The following PKNOX2 variants were observed in gnomAD, a reference collection of about 807,000 sequenced individuals.
PKNOX2 encodes PBX/knotted 1 homeobox 2, also known as homeobox protein PKNOX2.
PKNOX2 carries 14 observed loss-of-function variants against 53.1 expected under a neutral mutation model. The ratio of observed to expected loss-of-function variants is 0.26; its 90% CI spans 0.17 to 0.41. The LOEUF is 0.41. PKNOX2 is among the 10% of genes least tolerant of loss of function. The pLI is 1.00. For missense variants in PKNOX2, 496 were observed against 602.8 expected, an observed-to-expected ratio of 0.82 and a Z score of 1.85; for synonymous variants, 257 against 242.8, an observed-to-expected ratio of 1.06 and a Z score of -0.54.
chr11:125,385,854 A>G (rs1953595818), intron 6 of PKNOX2, 132 bp downstream of exon 6: 1 of 1,066,170 alleles, frequency 9.4e-7, no homozygotes, highest in Non-Finnish European at 1.3e-6. Context: ...GTCATGCACT[A>G]GATGCACCAG....
intron 2 of PKNOX2, among the ~76,000 whole-genome samples, chr11:125,315,210 G>A (rs1290707673): frequency 6.6e-6 from 1 of 150,498 alleles, no homozygotes; most frequent in Non-Finnish European, 1.5e-5. Flanking sequence ...AGGATAGATG[G>A]AGGCAGTGTG....
chr11:125,170,242 G>C (rs566189786), intron 1 of PKNOX2, among the ~76,000 whole-genome samples: 1 of 152,298 alleles, frequency 6.6e-6, no homozygotes, highest in South Asian at 2.1e-4. Flanking sequence ...TTCTGTTCCG[G>C]TGTCTGATTT....
intron 1 of PKNOX2, among the ~76,000 whole-genome samples, chr11:125,186,694 A>G (rs1478194789): frequency 1.3e-5 from 2 of 152,188 alleles, no homozygotes; most frequent in Non-Finnish European, 2.9e-5. Flanking sequence ...TTGTCCTTTG[A>G]TGCACAAAAG....
chr11:125,392,119 A>G (rs192130564), intron 6 of PKNOX2, among the ~76,000 whole-genome samples: 2 of 152,360 alleles, frequency 1.3e-5, no homozygotes, highest in African/African-American at 4.8e-5. Flanking sequence ...GATATCAGAC[A>G]TTATTAGAAG....
chr11:125,427,164 G>A (rs1476299847), intron 10 of PKNOX2, among the ~76,000 whole-genome samples: 1 of 152,208 alleles, frequency 6.6e-6, no homozygotes, highest in African/African-American at 2.4e-5. Context: ...ACCCCAGAAG[G>A]TGTCAGAGCT....
intron 2 of PKNOX2, among the ~76,000 whole-genome samples, chr11:125,308,264 T>A (rs1194328276): frequency 1.3e-5 from 2 of 152,198 alleles, no homozygotes; most frequent in African/African-American, 4.8e-5. Flanking sequence ...GGCTTATGTG[T>A]GGGCTGGGCC....
chr11:125,263,104 G>A (rs1317100053), intron 2 of PKNOX2, among the ~76,000 whole-genome samples: 1 of 152,210 alleles, frequency 6.6e-6, no homozygotes, highest in Non-Finnish European at 1.5e-5. Context: ...TCGGGTGCCA[G>A]CCCTAGCTCT....
chr11:125,319,934 C>T (rs565161915), intron 2 of PKNOX2, among the ~76,000 whole-genome samples: 1 of 152,288 alleles, frequency 6.6e-6, no homozygotes, highest in Non-Finnish European at 1.5e-5. Context: ...GACTGACCTT[C>T]TAGACCATGG....
chr11:125,276,019 G>A (rs1946127017), intron 2 of PKNOX2, among the ~76,000 whole-genome samples: 1 of 152,174 alleles, frequency 6.6e-6, no homozygotes, highest in African/African-American at 2.4e-5. Context: ...GGCTGAGAAG[G>A]AGTGCTTGCG....
At chr11:125,198,771 ACTCCCTCACCT>A (rs541925937) in intron 1 of PKNOX2, among the ~76,000 whole-genome samples, 1 of 140,182 alleles carries the variant, frequency 7.1e-6, no homozygotes, top group African/African-American at 2.7e-5. Context: ...TGCAGATTCT[ACTCCCTCACCT>A]CTCCCTCACC....
At position 125,402,961 on chromosome 11, in the gene PKNOX2, G is replaced by C. The variant is rs553010265; in HGVS notation, c.588+4899G>C. On this transcript the variant is annotated intron_variant, in intron 7 of 12. Transcript: ENST00000298282. ...GAGAAGTTACAGATTCATTGGCCTT[G>C]GGAGGGCTTCCTCTGGGAGGTGGCA... Among the ~76,000 whole-genome samples, 4 of 152,340 alleles carry C rather than the reference G, an allele frequency of 2.6e-5. No homozygotes were observed. The South Asian group carries it at 6.2e-4, about 24-fold the overall frequency.
At chr11:125,384,455 A>T (rs1332338403) in intron 5 of PKNOX2, among the ~76,000 whole-genome samples, 1 of 152,110 alleles carries the variant, frequency 6.6e-6, no homozygotes, top group Non-Finnish European at 1.5e-5. Context: ...GGAGGCTGAG[A>T]CGGGCGGATC....
Position 125,431,546 on chromosome 11 carries a change from A to G in PKNOX2, c.*154A>G. The G allele has an allele frequency of 1.2e-6, 1 of 861,700 alleles. No homozygotes were observed. The highest frequency in any genetic ancestry group is 1.8e-5 in the South Asian group (1 of 55,338). 53.4% of individuals were successfully genotyped at this position (861,700 alleles called of 1,614,324 possible). On this transcript the variant is annotated 3_prime_UTR_variant, in exon 13 of 13. Coordinates refer to ENST00000298282, the MANE Select transcript of PKNOX2 (RefSeq NM_001382323.2). The stretch of plus-strand genomic sequence containing the variant: ...TAGCTTGAAGAAAGGCAAAGGAGAC[A>G]CCTGTTCCTTCCCAACCACCGAGCT...
chr11:125,211,260 C>T (rs1453891875), intron 1 of PKNOX2, among the ~76,000 whole-genome samples: 1 of 152,088 alleles, frequency 6.6e-6, no homozygotes, highest in African/African-American at 2.4e-5. Flanking sequence ...TCGGAGTAGG[C>T]AAGGGTTTCT....
chr11:125,166,459 C>A lies in PKNOX2; in HGVS notation c.-201+1683C>A, dbSNP rs747813841. On this transcript the variant is annotated intron_variant, in intron 1 of 12. Transcript: ENST00000298282. The surrounding 1 kb of genome is among the most constrained non-coding windows in gnomAD (Gnocchi z 4.0). ...CCGGGAAGCGGACAGATCGAAGAGA[C>A]CTTCTGGGCGAAGCGGCAGGGCAGC... is the stretch of plus-strand genomic sequence containing the variant. Among the ~76,000 whole-genome samples the A allele has an allele frequency of 1.8e-4, 27 of 152,210 alleles. No homozygotes were observed. Among genetic ancestry groups the A allele is most frequent in the Non-Finnish European group, 3.1e-4 (21 of 68,038 alleles).
intron 2 of PKNOX2, among the ~76,000 whole-genome samples, chr11:125,313,098 G>A (rs893826149): frequency 1.3e-5 from 2 of 152,072 alleles, no homozygotes; most frequent in African/African-American, 2.4e-5. Flanking sequence ...GAGTGTTTAC[G>A]GGGCACTTAA....
chr11:125,334,012 G>A (rs1405532729), intron 3 of PKNOX2, among the ~76,000 whole-genome samples: 1 of 152,192 alleles, frequency 6.6e-6, no homozygotes, highest in African/African-American at 2.4e-5. Context: ...CAGAGTCAGG[G>A]CTCAGTGGAG....
chr11:125,338,787 G>A (rs565189238), intron 3 of PKNOX2, among the ~76,000 whole-genome samples: 1 of 152,138 alleles, frequency 6.6e-6, no homozygotes, highest in Non-Finnish European at 1.5e-5. Flanking sequence ...CCTGGTCCTT[G>A]CCCTAGCATG....
At chr11:125,330,044 G>T (rs114500602) in intron 2 of PKNOX2, among the ~76,000 whole-genome samples, 6,069 of 152,214 alleles carry the variant, frequency 0.04, 335 homozygotes, top group African/African-American at 0.12. Flanking sequence ...CACCTGTCCC[G>T]GTAGCTCTGC....
Sources: gnomAD v4.1 joint callset for allele counts (sites outside exome capture counted in the v4.1 genomes callset) on GRCh38, gnomAD v4.1.1 for gene constraint, Gnocchi (gnomAD v3.1) non-coding constraint, MANE v1.5 for transcripts, NCBI Gene and HGNC (gene_info 2026-07-23, HGNC 2026-07-21) for gene names.